IMMP2L: variants seen among roughly 807,000 people sequenced by gnomAD.
IMMP2L encodes mitochondrial inner membrane protease subunit 2.
A neutral mutation model predicts 19.3 loss-of-function variants in IMMP2L; 18 were observed. That is an observed-to-expected ratio of 0.93 (90% CI 0.64 to 1.38). IMMP2L has a LOEUF of 1.38. Among genes scored for constraint, IMMP2L ranks in the 40% most tolerant of loss-of-function variants. IMMP2L has a pLI of 0.00. For synonymous variants in IMMP2L, 76 were observed against 73.0 expected (o/e 1.04, Z -0.21); for missense variants, 233 against 218.2 (o/e 1.07, Z -0.43).
At chr7:111,547,756 T>C (rs369212236) in intron 1 of IMMP2L, among the ~76,000 whole-genome samples, 1 of 150,898 alleles carries the variant, frequency 6.6e-6, no homozygotes, top group East Asian at 2.0e-4. Context: ...GGTCTCACTG[T>C]GTTGCCCAGG....
At chr7:110,827,787 C>A (rs1000608202) in intron 5 of IMMP2L, among the ~76,000 whole-genome samples, 3 of 152,008 alleles carry the variant, frequency 2.0e-5, no homozygotes, top group African/African-American at 7.2e-5. Flanking sequence ...ATTGTGTATC[C>A]CATGTAAGTT....
At chr7:111,048,297 G>A (rs1244215064) in intron 3 of IMMP2L, among the ~76,000 whole-genome samples, 1 of 150,292 alleles carries the variant, frequency 6.7e-6, no homozygotes, top group Non-Finnish European at 1.5e-5. Context: ...AAGAAATCTG[G>A]CTGCTTCCCC....
intron 5 of IMMP2L, among the ~76,000 whole-genome samples, chr7:110,723,779 C>A (rs779254157): frequency 1.3e-5 from 2 of 150,976 alleles, no homozygotes; most frequent in Non-Finnish European, 2.9e-5. Context: ...TGCCATGTAA[C>A]CTTCAACTAC....
intron 3 of IMMP2L, among the ~76,000 whole-genome samples, chr7:111,418,489 T>C (rs759323757): frequency 6.6e-6 from 1 of 151,976 alleles, no homozygotes; most frequent in African/African-American, 2.4e-5. Context: ...CTGCTCACTC[T>C]GGACCTAATC....
At chr7:111,389,135 T>C (rs921262819) in intron 3 of IMMP2L, among the ~76,000 whole-genome samples, 12 of 152,054 alleles carry the variant, frequency 7.9e-5, no homozygotes, top group African/African-American at 1.4e-4. Flanking sequence ...ACTGAGAACA[T>C]AGCATCGCTT....
Position 111,543,589 on chromosome 7 carries a change from G to A in IMMP2L, c.-3+18262C>T, listed in dbSNP as rs773709629. On this transcript the variant is annotated intron_variant, in intron 1 of 5. Transcript: ENST00000405709. ...TTTAAACAAAGATAAAAATTAGCTA[G>A]AAGATCATGTTACCCTAAAATTAAA... Among the ~76,000 whole-genome samples, 2 of 152,122 alleles carry A rather than the reference G, an allele frequency of 1.3e-5. 1 individual carries two copies. The highest frequency in any genetic ancestry group is 4.2e-4 in the South Asian group (2 of 4,818).
intron 2 of IMMP2L, among the ~76,000 whole-genome samples, chr7:111,504,418 T>A (rs2132484836): frequency 6.6e-6 from 1 of 151,468 alleles, no homozygotes; most frequent in South Asian, 2.1e-4. Context: ...ATAGATTCAA[T>A]GCCATCCCCA....
intron 4 of IMMP2L, among the ~76,000 whole-genome samples, chr7:110,902,481 T>A (rs1242913339): frequency 5.1e-5 from 2 of 39,500 alleles, no homozygotes; most frequent in South Asian, 2.2e-3. Context: ...AATGATAAAA[T>A]ATATATATAT....
chr7:111,231,784 T>C (rs767931122), intron 3 of IMMP2L, among the ~76,000 whole-genome samples: 66 of 152,072 alleles, frequency 4.3e-4, no homozygotes, highest in Admixed American at 3.3e-4. Context: ...ATAATCTTCA[T>C]AAAAAACTCT....
rs1304961663 is a variant in IMMP2L, at chr7:111,097,758, A to G, written c.240-134193T>C. On this transcript the variant is annotated intron_variant, in intron 3 of 5. Coordinates refer to ENST00000405709, the MANE Select transcript of IMMP2L (RefSeq NM_032549.4). The stretch of plus-strand genomic sequence containing the variant: ...TATCAAAACTCAGTCACTCAGAAAT[A>G]CCAAACACTGAACATGTTCTACAAA... Among the ~76,000 whole-genome samples, 3 of 152,014 alleles carry G rather than the reference A, an allele frequency of 2.0e-5. No individual in the cohort carries two copies. The East Asian group carries it at 5.8e-4, about 29-fold the overall frequency.
chr7:111,272,870 A>G (rs781213641), intron 3 of IMMP2L, among the ~76,000 whole-genome samples: 5 of 152,176 alleles, frequency 3.3e-5, no homozygotes, highest in Non-Finnish European at 7.3e-5. Flanking sequence ...AGATTATAAT[A>G]CAGAAGTACA....
chr7:110,899,096 A>G (rs1329678671), intron 4 of IMMP2L, among the ~76,000 whole-genome samples: 1 of 152,136 alleles, frequency 6.6e-6, no homozygotes, highest in Non-Finnish European at 1.5e-5. Flanking sequence ...ATTGCCTGCA[A>G]TGATTATGAA....
intron 4 of IMMP2L, among the ~76,000 whole-genome samples, chr7:110,946,011 T>C (rs1168082415): frequency 1.3e-5 from 2 of 152,116 alleles, no homozygotes; most frequent in Admixed American, 6.6e-5. Flanking sequence ...TTATACCTGA[T>C]TAAACCAAAA....
At chr7:111,191,304 C>G (rs1273865627) in intron 3 of IMMP2L, among the ~76,000 whole-genome samples, 1 of 151,984 alleles carries the variant, frequency 6.6e-6, no homozygotes, top group Non-Finnish European at 1.5e-5. Context: ...TTTAGCCTCA[C>G]AGAGCAATTT....
At chr7:111,528,540 T>C (rs1488912015) in intron 1 of IMMP2L, among the ~76,000 whole-genome samples, 1 of 152,174 alleles carries the variant, frequency 6.6e-6, no homozygotes, top group Admixed American at 6.5e-5. Context: ...AAGTGAGAGT[T>C]TCTTGGTGAT....
chr7:110,875,528 A>C (rs897625822), intron 5 of IMMP2L, among the ~76,000 whole-genome samples: 3 of 152,156 alleles, frequency 2.0e-5, no homozygotes, highest in African/African-American at 7.2e-5. Context: ...CATAATTTAT[A>C]ATCTCATTAG....
chr7:111,123,498 T>A lies in IMMP2L; in HGVS notation c.240-159933A>T. 1 of 1,613,890 alleles carries A rather than the reference T, an allele frequency of 6.2e-7. No individual in the cohort carries two copies. Among genetic ancestry groups the A allele is most frequent in the South Asian group, 1.1e-5 (1 of 91,046 alleles). The stretch of plus-strand genomic sequence containing the variant: ...GACTGGAAAACTTAGAAAGCATCTC[T>A]TTTTACGATAACAGGCTTATTAAAG... On this transcript the variant is annotated intron_variant, in intron 3 of 5. Transcript: ENST00000405709. This position sits in a 1 kb window ranked among gnomAD's most constrained non-coding sequence, Gnocchi z 6.4.
intron 3 of IMMP2L, among the ~76,000 whole-genome samples, chr7:111,296,599 G>C (rs1164877512): frequency 6.6e-6 from 1 of 151,686 alleles, no homozygotes; most frequent in Non-Finnish European, 1.5e-5. Flanking sequence ...AGCCACCCCA[G>C]AGAATAGTTA....
intron 4 of IMMP2L, among the ~76,000 whole-genome samples, chr7:110,938,184 G>C (rs1816328255): frequency 6.6e-6 from 1 of 152,086 alleles, no homozygotes; most frequent in Non-Finnish European, 1.5e-5. Flanking sequence ...ATCCTTAAAA[G>C]GCAGTCAGGG....
Sources: allele counts gnomAD v4.1 joint callset (sites outside exome capture counted in the v4.1 genomes callset), GRCh38; gene constraint gnomAD v4.1.1; non-coding constraint Gnocchi (gnomAD v3.1); transcripts MANE v1.5; gene names NCBI Gene and HGNC (gene_info 2026-07-23, HGNC 2026-07-21).